Variants in EYS observed in about 807,000 individuals in gnomAD.
EYS encodes the protein EGF-like photoreceptor maintenance factor, also known as protein eyes shut homolog.
A neutral mutation model predicts 282.1 loss-of-function variants in EYS; 250 were observed. That is an observed-to-expected ratio of 0.89 (90% CI 0.80 to 0.98). The LOEUF is 0.98. Among genes scored for constraint, EYS ranks in the 50% least tolerant of loss-of-function variants. The probability of loss-of-function intolerance (pLI) is 0.00; values close to 1 mark genes in which losing one functional copy is unlikely to be tolerated. For missense variants in EYS, 4,016 were observed against 3,709.0 expected (o/e 1.08, Z -2.15); for synonymous variants, 1,355 against 1,282.9 (o/e 1.06, Z -1.20).
At chr6:65,355,292 A>C (rs1365077844) in intron 8 of EYS, among the ~76,000 whole-genome samples, 1 of 106,586 alleles carries the variant, frequency 9.4e-6, no homozygotes, top group Non-Finnish European at 2.0e-5. Flanking sequence ...GTCTACCAAA[A>C]TCTAAGAAAT....
chr6:65,240,983 C>T (rs1230074799), intron 12 of EYS, among the ~76,000 whole-genome samples: 1 of 152,084 alleles, frequency 6.6e-6, no homozygotes, highest in Non-Finnish European at 1.5e-5. Context: ...AAATTCCTGA[C>T]AGTGTTTTCC....
chr6:64,375,879 TC>T lies in EYS; in HGVS notation c.6078+12810del, dbSNP rs914931899. 5.8e-4 allele frequency among the ~76,000 whole-genome samples: 88 copies of T among 152,274 alleles called. 1 individual carries two copies. Among genetic ancestry groups the T allele is most frequent in the Admixed American group, 5.0e-3 (77 of 15,278 alleles). On this transcript the variant is annotated intron_variant, in intron 29 of 42. Transcript: ENST00000503581. Reference sequence around the variant, plus strand: ...CTCAAACAACAGAAATGATACCAAATCAATGCAAGAGTATCCTTTTGTCAAC... The same window carrying T: ...CTCAAACAACAGAAATGATACCAAATAATGCAAGAGTATCCTTTTGTCAAC...
At chr6:65,332,319 C>A in intron 11 of EYS, 1 of 729,170 alleles carries the variant, frequency 1.4e-6, no homozygotes. Context: ...GCCACTAAAT[C>A]AAACTTATAT....
chr6:65,675,906 C>G (rs141570633), intron 1 of EYS, among the ~76,000 whole-genome samples: 1 of 151,856 alleles, frequency 6.6e-6, no homozygotes, highest in East Asian at 1.9e-4. Flanking sequence ...CTTTCTTGCA[C>G]ACAACTGAAT....
At chr6:65,195,233 A>G (rs991197491) in intron 12 of EYS, among the ~76,000 whole-genome samples, 1 of 151,980 alleles carries the variant, frequency 6.6e-6, no homozygotes, top group Non-Finnish European at 1.5e-5. Flanking sequence ...TATTTGACCT[A>G]TTGGCATGAT....
chr6:64,836,751 C>A (rs1012516397), intron 19 of EYS, among the ~76,000 whole-genome samples: 1 of 151,556 alleles, frequency 6.6e-6, no homozygotes, highest in African/African-American at 2.4e-5. Flanking sequence ...ATTTAGAGAG[C>A]AATTTTAGTG....
At chr6:65,461,256 A>G (rs940942422) in intron 5 of EYS, among the ~76,000 whole-genome samples, 1 of 152,092 alleles carries the variant, frequency 6.6e-6, no homozygotes, top group African/African-American at 2.4e-5. Context: ...CACACATGCA[A>G]TTGTTCTGAA....
intron 26 of EYS, among the ~76,000 whole-genome samples, chr6:64,585,757 A>G (rs980568775): frequency 1.3e-5 from 2 of 152,092 alleles, no homozygotes; most frequent in African/African-American, 4.8e-5. Context: ...AAAAACATAC[A>G]CATTCTCTTA....
intron 22 of EYS, among the ~76,000 whole-genome samples, chr6:64,696,154 T>C (rs1034616120): frequency 1.3e-5 from 2 of 152,060 alleles, no homozygotes; most frequent in African/African-American, 4.8e-5. Context: ...ACCAAAGAGA[T>C]AGATATCTTT....
intron 12 of EYS, among the ~76,000 whole-genome samples, chr6:65,215,383 A>C (rs1766286736): frequency 6.6e-6 from 1 of 152,188 alleles, no homozygotes; most frequent in African/African-American, 2.4e-5. Context: ...TAGAAATAAC[A>C]AGAGAACTAG....
intron 12 of EYS, among the ~76,000 whole-genome samples, chr6:65,207,229 C>T (rs1210459202): frequency 2.0e-5 from 3 of 151,532 alleles, no homozygotes; most frequent in African/African-American, 7.3e-5. Context: ...ACACTAATGA[C>T]ATTCGAGCTG....
At chr6:64,414,728 T>C (rs1306737021) in intron 28 of EYS, among the ~76,000 whole-genome samples, 5 of 152,174 alleles carry the variant, frequency 3.3e-5, no homozygotes, top group Admixed American at 1.3e-4. Context: ...ATATGCCATT[T>C]ATAATGGTTT....
Position 63,836,582 on chromosome 6 carries a change from A to G in EYS, c.7228+27604T>C, listed in dbSNP as rs76601567. 7.0e-4 allele frequency among the ~76,000 whole-genome samples: 107 copies of G among 152,166 alleles called. 1 individual carries two copies. The East Asian group carries it at 0.017, about 24-fold the overall frequency. On this transcript the variant is annotated intron_variant, in intron 36 of 42. Transcript: ENST00000503581. Reference sequence around the variant, plus strand: ...AGAAAAAGTCATTGTTCTAAAAAGTAGAAAGAAAATATCAAATATATCTAT... The same window carrying G: ...AGAAAAAGTCATTGTTCTAAAAAGTGGAAAGAAAATATCAAATATATCTAT...
chr6:64,148,224 G>C (rs956949412), intron 31 of EYS, among the ~76,000 whole-genome samples: 2 of 152,038 alleles, frequency 1.3e-5, no homozygotes, highest in Non-Finnish European at 2.9e-5. Flanking sequence ...ATGTATATGT[G>C]TATGTTTTGA....
chr6:64,296,910 T>C (rs1769050527), intron 30 of EYS, among the ~76,000 whole-genome samples: 1 of 152,124 alleles, frequency 6.6e-6, no homozygotes, highest in African/African-American at 2.4e-5. Flanking sequence ...TGGCCTAGAA[T>C]ATTTTTGATG....
At chr6:63,902,709 C>G (rs909140184) in intron 35 of EYS, among the ~76,000 whole-genome samples, 4 of 151,734 alleles carry the variant, frequency 2.6e-5, no homozygotes, top group African/African-American at 7.3e-5. Context: ...CTAAAAAACA[C>G]TAAGAAAATA....
intron 19 of EYS, among the ~76,000 whole-genome samples, chr6:64,875,961 A>T (rs1766738240): frequency 6.6e-6 from 1 of 151,998 alleles, no homozygotes. Context: ...AACTGCTTCA[A>T]GATTATTTTA....
intron 11 of EYS, among the ~76,000 whole-genome samples, chr6:65,311,032 G>A (rs28557239): frequency 0.36 from 54,927 of 151,724 alleles, 10,278 homozygotes; most frequent in Middle Eastern, 0.41. Context: ...AAATGAATAC[G>A]TAATTTTTAA....
At chr6:64,030,203 GA>G (rs1769752782) in intron 33 of EYS, among the ~76,000 whole-genome samples, 1 of 152,116 alleles carries the variant, frequency 6.6e-6, no homozygotes, top group Non-Finnish European at 1.5e-5. Flanking sequence ...GACAGACACA[GA>G]AAGTCAAAAA....
Sources: gnomAD v4.1 joint callset for allele counts (sites outside exome capture counted in the v4.1 genomes callset) on GRCh38, gnomAD v4.1.1 for gene constraint, MANE v1.5 for transcripts, NCBI Gene and HGNC (gene_info 2026-07-23, HGNC 2026-07-21) for gene names.